PCDHA9: variants seen among roughly 807,000 people sequenced by gnomAD.
PCDHA9 encodes the protein protocadherin alpha 9.
Under a neutral mutation model 62.0 loss-of-function variants are expected in PCDHA9, and 62 were observed. The ratio of observed to expected loss-of-function variants is 1.00; its 90% confidence interval spans 0.81 to 1.23. The LOEUF (loss-of-function observed/expected upper bound fraction) is 1.23, where lower values mean the gene tolerates loss of function less well. PCDHA9 is among the 50% of genes most tolerant of loss of function. The pLI is 0.00. For missense variants in PCDHA9, 1,205 were observed against 1,249.8 expected (o/e 0.96, Z 0.54); for synonymous variants, 557 against 567.6 (o/e 0.98, Z 0.27).
chr5:140,999,854 C>T (rs1459226420), intron 3 of PCDHA9, among the ~76,000 whole-genome samples: 4 of 152,112 alleles, frequency 2.6e-5, no homozygotes, highest in Admixed American at 1.3e-4. Context: ...TTATCTCTTC[C>T]GCTCCAAGAT....
At chr5:140,999,855 G>A (rs1019104615) in intron 3 of PCDHA9, among the ~76,000 whole-genome samples, 8 of 152,094 alleles carry the variant, frequency 5.3e-5, no homozygotes, top group Admixed American at 2.6e-4. Context: ...TATCTCTTCC[G>A]CTCCAAGATT....
chr5:140,871,452 G>C, intron 1 of PCDHA9: 1 of 1,608,608 alleles, frequency 6.2e-7, no homozygotes, highest in Non-Finnish European at 8.5e-7. Context: ...ATAAAGAGGA[G>C]GAAGGGGAAA....
intron 3 of PCDHA9, among the ~76,000 whole-genome samples, chr5:140,992,344 T>G (rs2097506257): frequency 6.6e-6 from 1 of 152,124 alleles, no homozygotes; most frequent in Non-Finnish European, 1.5e-5. Context: ...GATGGAAATG[T>G]GGAGAGAGGA....
chr5:141,010,802 G>A lies in PCDHA9; in HGVS notation c.*865G>A, dbSNP rs1323558356. On this transcript the variant is annotated 3_prime_UTR_variant, in exon 4 of 4. Coordinates refer to ENST00000532602, the MANE Select transcript of PCDHA9 (RefSeq NM_031857.2). ...TTATGCAAAAGCAAAAGAAAACCCC[G>A]ACACCTCACCTTTCGCTGTTTGTTG... 6.5e-6 allele frequency: 1 copy of A among 153,554 alleles called. No homozygotes were observed. The highest frequency in any genetic ancestry group is 1.5e-5 in the Non-Finnish European group (1 of 68,024). The allele number at this position is 153,554 out of a possible 1,614,324, so 9.5% of individuals were successfully genotyped here. A position where few individuals can be genotyped will look rare whatever the true frequency, so the allele number is the denominator to read the frequency against.
chr5:140,997,820 T>C (rs2097787131), intron 3 of PCDHA9, among the ~76,000 whole-genome samples: 1 of 152,170 alleles, frequency 6.6e-6, no homozygotes. Flanking sequence ...GGTATCTATG[T>C]TTTCTAAACA....
At chr5:140,889,626 TC>T (rs2062301507) in intron 1 of PCDHA9, among the ~76,000 whole-genome samples, 1 of 152,228 alleles carries the variant, frequency 6.6e-6, no homozygotes, top group African/African-American at 2.4e-5. Flanking sequence ...TCATTTCTCT[TC>T]TTTTCATTTG....
chr5:140,983,054 G>A (rs933321433), intron 3 of PCDHA9, among the ~76,000 whole-genome samples: 1 of 151,858 alleles, frequency 6.6e-6, no homozygotes. Flanking sequence ...GAAAATTATC[G>A]GAACCAAGGC....
intron 1 of PCDHA9, among the ~76,000 whole-genome samples, chr5:140,940,004 A>AT (rs1326829458): frequency 2.6e-5 from 4 of 152,120 alleles, no homozygotes; most frequent in Admixed American, 1.3e-4. Context: ...GATTTTGTCA[A>AT]TTTTTTGTGT....
At chr5:140,860,585 A>G (rs782000527) in intron 1 of PCDHA9, 1 of 152,230 alleles carries the variant, frequency 6.6e-6, no homozygotes, top group African/African-American at 2.4e-5. Flanking sequence ...AAGGTATAGG[A>G]AAGGAGTTGG....
intron 3 of PCDHA9, among the ~76,000 whole-genome samples, chr5:140,998,139 G>C (rs1354714500): frequency 2.0e-5 from 3 of 152,176 alleles, no homozygotes; most frequent in Non-Finnish European, 4.4e-5. Flanking sequence ...TAGCTAACCT[G>C]TACTGAACAG....
At chr5:140,908,073 G>A (rs2153503880) in intron 1 of PCDHA9, among the ~76,000 whole-genome samples, 1 of 152,322 alleles carries the variant, frequency 6.6e-6, no homozygotes, top group Admixed American at 6.5e-5. Context: ...CATGAAAAGT[G>A]CACAACCAGG....
chr5:140,973,015 A>T (rs1554234824), intron 1 of PCDHA9, among the ~76,000 whole-genome samples: 1 of 152,000 alleles, frequency 6.6e-6, no homozygotes, highest in African/African-American at 2.4e-5. Context: ...TGGTGTTGTG[A>T]TTGTTAATGA....
rs1221925609 is a variant in PCDHA9, at chr5:140,850,980, T to C, written c.2394+91T>C. The C allele has an allele frequency of 2.1e-6, 3 of 1,453,332 alleles. 1 individual carries two copies. The highest frequency in any genetic ancestry group is 1.4e-5 in the African/African-American group (1 of 69,706). 90.0% of individuals were successfully genotyped at this position (1,453,332 alleles called of 1,614,324 possible). A position where few individuals can be genotyped will look rare whatever the true frequency, so the allele number is the denominator to read the frequency against. On this transcript the variant is annotated intron_variant, in intron 1 of 3. Coordinates refer to ENST00000532602, the MANE Select transcript of PCDHA9 (RefSeq NM_031857.2). ...CCCAGGGGCCGTTCAAATAGTTTTATTCATTTTTCTAGAAATCCAGCAGAT... is the reference window on the plus strand; with the variant it reads ...CCCAGGGGCCGTTCAAATAGTTTTACTCATTTTTCTAGAAATCCAGCAGAT...
At position 140,850,460 on chromosome 5, in the gene PCDHA9, G is replaced by A. The variant is rs2150485288; in HGVS notation, c.1965G>A (p.Gly655=). 1.3e-6 allele frequency: 2 copies of A among 1,597,976 alleles called. No individual in the cohort carries two copies. The highest frequency in any genetic ancestry group is 1.7e-6 in the Non-Finnish European group (2 of 1,167,692). Residue 655 remains glycine, a synonymous_variant, in exon 1 of 4, where the codon GGG becomes GGA. Coordinates refer to ENST00000532602, the MANE Select transcript of PCDHA9 (RefSeq NM_031857.2). The part of the protein sequence containing the change: ...QRLLVLVKDH[G]EPALTATATV... ...TACTGGTGCTGGTGAAAGACCACGGGGAGCCAGCGCTGACGGCCACGGCCA... is the reference window on the plus strand; with the variant it reads ...TACTGGTGCTGGTGAAAGACCACGGAGAGCCAGCGCTGACGGCCACGGCCA...
intron 1 of PCDHA9, among the ~76,000 whole-genome samples, chr5:140,939,948 A>C (rs2153644220): frequency 6.6e-6 from 1 of 152,296 alleles, no homozygotes; most frequent in Admixed American, 6.5e-5. Context: ...TACTGAGAAA[A>C]TTATGTTAAA....
intron 1 of PCDHA9, among the ~76,000 whole-genome samples, chr5:140,900,028 T>C (rs1554188848): frequency 1.3e-5 from 2 of 152,132 alleles, no homozygotes; most frequent in Admixed American, 1.3e-4. Flanking sequence ...CAGTTTGGCC[T>C]TGAATTCCTG....
intron 3 of PCDHA9, among the ~76,000 whole-genome samples, chr5:140,993,075 G>A (rs531612224): frequency 1.3e-3 from 191 of 152,324 alleles, no homozygotes; most frequent in African/African-American, 4.5e-3. Flanking sequence ...CCTGCAGTCT[G>A]CAATCAGCAG....
At chr5:140,856,056 C>T (rs2043749341) in intron 1 of PCDHA9, 1 of 1,586,796 alleles carries the variant, frequency 6.3e-7, no homozygotes, top group Non-Finnish European at 8.6e-7. Flanking sequence ...AAGATGGTTT[C>T]CAGATGTAGC....
Position 140,982,498 on chromosome 5 carries a change from G to A in PCDHA9, c.2477G>A (p.Gly826Asp), listed in dbSNP as rs782347331. The change falls in exon 3 of 4, where the codon GGC becomes GAC. Residue 826 changes from glycine to aspartate, a missense_variant. By Grantham distance (94) the Gly-to-Asp change is moderately conservative. Transcript: ENST00000532602. ...AGCTCTGTGCACCTAGAGGAGGCTG[G>A]CATTCTACGGGCTGGTCCAGGAGGG... Reference protein sequence around the residue: ...MHSSVHLEEAGILRAGPGGPD... With the variant: ...MHSSVHLEEADILRAGPGGPD... 6 of 1,614,062 alleles carry A rather than the reference G, an allele frequency of 3.7e-6. No homozygotes were observed. The Admixed American group carries it at 5.0e-5, about 13-fold the overall frequency.
Sources: gnomAD v4.1 joint callset for allele counts (sites outside exome capture counted in the v4.1 genomes callset) on GRCh38, gnomAD v4.1.1 for gene constraint, MANE v1.5 for transcripts, NCBI Gene and HGNC (gene_info 2026-07-23, HGNC 2026-07-21) for gene names.